The following CAST variants were observed in gnomAD, a reference collection of about 807,000 sequenced individuals.
The protein encoded by CAST is calpastatin.
CAST carries 76 observed loss-of-function variants against 119.6 expected under a neutral mutation model. That is an observed-to-expected ratio of 0.64 (90% CI 0.53 to 0.77). CAST has a LOEUF of 0.77. Ranked by LOEUF, CAST falls within the 30% of genes least tolerant of loss-of-function variation. The pLI is 0.00. For missense variants in CAST, 953 were observed against 946.5 expected (o/e 1.01, Z -0.09); for synonymous variants, 319 against 331.6 (o/e 0.96, Z 0.41).
chr5:96,045,224 G>C, the CAST span, among the ~76,000 whole-genome samples: 2 of 152,038 alleles, frequency 1.3e-5, no homozygotes, highest in Non-Finnish European at 2.9e-5. Context: ...ATGGCGGCAG[G>C]CGCCTGTAAT....
At chr5:96,107,360 G>A in the CAST span, among the ~76,000 whole-genome samples, 3 of 152,038 alleles carry the variant, frequency 2.0e-5, no homozygotes, top group African/African-American at 7.3e-5. Context: ...AGCGGCTGGT[G>A]CCAGTTGTTC....
chr5:96,415,941 G>T, the CAST span: 1 of 825,748 alleles, frequency 1.2e-6, no homozygotes, highest in Non-Finnish European at 2.1e-6. Context: ...TCCTCCAGTT[G>T]TTAAAAAGAA....
At chr5:96,009,788 T>G in the CAST span, among the ~76,000 whole-genome samples, 1 of 152,218 alleles carries the variant, frequency 6.6e-6, no homozygotes, top group Non-Finnish European at 1.5e-5. Flanking sequence ...ACAGAAGCTC[T>G]TTAGTTTAAT....
chr5:96,252,858 T>C, the CAST span, among the ~76,000 whole-genome samples: 4 of 152,200 alleles, frequency 2.6e-5, no homozygotes, highest in Non-Finnish European at 5.9e-5. Context: ...AGTGAGTTTG[T>C]TGGTTCCTTC....
chr5:96,491,270 G>T, the CAST span, among the ~76,000 whole-genome samples: 1 of 151,560 alleles, frequency 6.6e-6, no homozygotes, highest in Non-Finnish European at 1.5e-5. Context: ...TGGATCACGA[G>T]GTCAGGAGAT....
the CAST span, among the ~76,000 whole-genome samples, chr5:96,246,338 A>C: frequency 6.6e-6 from 1 of 151,892 alleles, no homozygotes; most frequent in East Asian, 1.9e-4. Flanking sequence ...ACCCGCCACC[A>C]TGCCCGGCTA....
intron 1 of CAST, among the ~76,000 whole-genome samples, chr5:96,604,815 G>A (rs1445046957): frequency 2.6e-5 from 4 of 152,220 alleles, no homozygotes; most frequent in African/African-American, 4.8e-5. Flanking sequence ...ATCAAAGGAT[G>A]TGTGATATGT....
chr5:96,512,874 T>G, the CAST span, among the ~76,000 whole-genome samples: 8 of 152,326 alleles, frequency 5.3e-5, no homozygotes, highest in Admixed American at 4.6e-4. Context: ...CAAACGAAGA[T>G]TTTTTTCAGT....
At chr5:96,245,457 T>C in the CAST span, among the ~76,000 whole-genome samples, 1 of 152,170 alleles carries the variant, frequency 6.6e-6, no homozygotes, top group Non-Finnish European at 1.5e-5. Flanking sequence ...ACTGTAAATT[T>C]TTATCTTTTT....
At chr5:96,286,897 T>A in the CAST span, among the ~76,000 whole-genome samples, 20 of 152,290 alleles carry the variant, frequency 1.3e-4, no homozygotes, top group Middle Eastern at 3.4e-3. Context: ...ATGTTAAAAT[T>A]CACAGTAATT....
chr5:96,767,117 C>G lies in CAST; in HGVS notation c.2131-321C>G, dbSNP rs140490644. Among the ~76,000 whole-genome samples, 605 of 152,262 alleles carry G rather than the reference C, an allele frequency of 4.0e-3. 13 individuals are homozygous for G. Among genetic ancestry groups the G allele is most frequent in the South Asian group, 0.024 (118 of 4,828 alleles). ...AGCTATAGTAAATAAGATGTAAAAACACAAGTAACTTTTTATAACACTTTA... is the reference window on the plus strand; with the variant it reads ...AGCTATAGTAAATAAGATGTAAAAAGACAAGTAACTTTTTATAACACTTTA... On this transcript the variant is annotated intron_variant, in intron 27 of 31. Transcript: ENST00000675179.
chr5:96,629,042 T>C (rs1209694162), intron 1 of CAST, among the ~76,000 whole-genome samples: 1 of 151,886 alleles, frequency 6.6e-6, no homozygotes, highest in Non-Finnish European at 1.5e-5. Flanking sequence ...AGCTGAATCC[T>C]GCTTCCATTC....
At chr5:96,319,689 T>A in the CAST span, among the ~76,000 whole-genome samples, 1 of 152,140 alleles carries the variant, frequency 6.6e-6, no homozygotes, top group Non-Finnish European at 1.5e-5. Context: ...AAGTTACCAG[T>A]AAGCAACCTC....
At chr5:96,509,333 A>G in the CAST span, among the ~76,000 whole-genome samples, 1 of 152,200 alleles carries the variant, frequency 6.6e-6, no homozygotes, top group African/African-American at 2.4e-5. Context: ...ATTGTAAACT[A>G]TCTAGTGGTT....
At chr5:96,355,743 CCA>C in the CAST span, among the ~76,000 whole-genome samples, 18 of 152,018 alleles carry the variant, frequency 1.2e-4, no homozygotes, top group Non-Finnish European at 2.1e-4. Flanking sequence ...TGCTGTGTCA[CCA>C]GTCTTGAGTG....
chr5:96,495,608 T>C, the CAST span, among the ~76,000 whole-genome samples: 3 of 152,236 alleles, frequency 2.0e-5, no homozygotes, highest in Non-Finnish European at 1.5e-5. Context: ...CCTTCTTTTT[T>C]ATGGCTGCAT....
the CAST span, among the ~76,000 whole-genome samples, chr5:96,034,521 A>C: frequency 8.5e-6 from 1 of 117,036 alleles, no homozygotes; most frequent in Non-Finnish European, 1.9e-5. Flanking sequence ...GTGTGTGTGT[A>C]TGCATCCATT....
the CAST span, among the ~76,000 whole-genome samples, chr5:95,963,420 A>G: frequency 1.3e-5 from 2 of 152,252 alleles, no homozygotes; most frequent in Non-Finnish European, 2.9e-5. Context: ...TTACTCCATC[A>G]CAGGAAAACA....
the CAST span, among the ~76,000 whole-genome samples, chr5:96,127,443 C>A: frequency 2.0e-5 from 3 of 151,926 alleles, no homozygotes; most frequent in East Asian, 5.8e-4. Context: ...CAAGTGTTAC[C>A]ACTTGCTGTG....
Sources: gnomAD v4.1 joint callset for allele counts (sites outside exome capture counted in the v4.1 genomes callset) on GRCh38, gnomAD v4.1.1 for gene constraint, MANE v1.5 for transcripts, NCBI Gene and HGNC (gene_info 2026-07-23, HGNC 2026-07-21) for gene names.